The following ZNF569 variants were observed in gnomAD, a reference collection of about 807,000 sequenced individuals.
The protein encoded by ZNF569 is DNA-binding protein.
In ZNF569, 38 loss-of-function variants were observed where a neutral mutation model predicts 56.3. The observed-to-expected ratio is 0.68, with a 90% CI of 0.52 to 0.88. The LOEUF (loss-of-function observed/expected upper bound fraction) is 0.88. Ranked by LOEUF, ZNF569 falls within the 40% of genes least tolerant of loss-of-function variation. The probability of loss-of-function intolerance (pLI) is 0.00; values close to 1 mark genes in which losing one functional copy is unlikely to be tolerated. For missense variants in ZNF569, 666 were observed against 809.2 expected, an observed-to-expected ratio of 0.82 and a Z score of 2.15; for synonymous variants, 241 against 262.9, an observed-to-expected ratio of 0.92 and a Z score of 0.81.
intron 5 of ZNF569, among the ~76,000 whole-genome samples, chr19:37,419,459 C>T (rs1027013750): frequency 3.3e-5 from 5 of 152,082 alleles, no homozygotes; most frequent in African/African-American, 4.8e-5. Flanking sequence ...CGGTGGCTCA[C>T]GACTGTAATC....
intron 1 of ZNF569, among the ~76,000 whole-genome samples, chr19:37,466,289 A>T (rs1196243479): frequency 1.3e-5 from 2 of 152,262 alleles, no homozygotes; most frequent in East Asian, 1.9e-4. Context: ...AATAAAATTA[A>T]AAATAAATAA....
At chr19:37,437,959 A>G (rs1473580840) in intron 3 of ZNF569, among the ~76,000 whole-genome samples, 1 of 152,226 alleles carries the variant, frequency 6.6e-6, no homozygotes, top group East Asian at 1.9e-4. Flanking sequence ...CTTCACAGAA[A>G]TAGGAAAAAA....
At chr19:37,460,407 T>C (rs971823982) in intron 2 of ZNF569, among the ~76,000 whole-genome samples, 1 of 152,130 alleles carries the variant, frequency 6.6e-6, no homozygotes, top group African/African-American at 2.4e-5. Context: ...CCTCCCAAAG[T>C]GCTGGGATTA....
At chr19:37,468,951 C>G, upstream of ZNF569, 1 of 719,886 alleles carries the variant, frequency 1.4e-6, no homozygotes. Flanking sequence ...TTTGAGTAGA[C>G]GCGCCACTAG....
intron 5 of ZNF569, among the ~76,000 whole-genome samples, chr19:37,416,575 G>A (rs2040937180): frequency 6.6e-6 from 1 of 151,910 alleles, no homozygotes; most frequent in Non-Finnish European, 1.5e-5. Context: ...ATAATCTCCA[G>A]ATTACTTATA....
intron 5 of ZNF569, chr19:37,425,654 G>T: frequency 2.7e-6 from 1 of 376,248 alleles, no homozygotes; most frequent in Non-Finnish European, 4.9e-6. Context: ...TTTAAGAGAT[G>T]AGGTCTCACT....
chr19:37,464,490 T>C (rs935524262), intron 2 of ZNF569, among the ~76,000 whole-genome samples: 4 of 152,208 alleles, frequency 2.6e-5, no homozygotes, highest in African/African-American at 9.7e-5. Context: ...TTTTTAATCT[T>C]TATATACTGC....
In ZNF569 at chr19:37,413,243, C is replaced by T. The variant is rs201750077; in HGVS notation, c.1415G>A (p.Gly472Glu). Residue 472 changes from glycine (G) to glutamate (E), a missense_variant, in exon 6 of 6, where the codon GGG (glycine) becomes GAG (glutamate). Coordinates refer to ENST00000316950, the MANE Select transcript of ZNF569 (RefSeq NM_152484.3). ...ATTTGATTTCTGGCTAAAGGCTTTCCCACATTCCTTACATATATAGGGTTT... is the reference window on the plus strand; with the variant it reads ...ATTTGATTTCTGGCTAAAGGCTTTCTCACATTCCTTACATATATAGGGTTT... ...GEKPYICKEC[G>E]KAFSQKSNLI... 2 of 1,611,298 alleles carry T rather than the reference C, an allele frequency of 1.2e-6. No individual in the cohort carries two copies. The highest frequency in any genetic ancestry group is 2.7e-5 in the African/African-American group (2 of 74,756).
In ZNF569 at chr19:37,432,245, G is replaced by A. The variant is rs191650336; in HGVS notation, c.16-5867C>T. Reference sequence around the variant, plus strand: ...TGAGACTCAGTGCTGTGCTGGCTTCGTCTGACCCAGCGCAGTCCCAGTGGT... The same window carrying A: ...TGAGACTCAGTGCTGTGCTGGCTTCATCTGACCCAGCGCAGTCCCAGTGGT... On this transcript the variant is annotated intron_variant, in intron 3 of 5. Transcript: ENST00000316950. 2.7e-3 allele frequency among the ~76,000 whole-genome samples: 415 copies of A among 152,248 alleles called. 1 individual carries two copies. Among genetic ancestry groups the A allele is most frequent in the Admixed American group, 7.7e-3 (118 of 15,288 alleles).
chr19:37,462,000 T>TA (rs891470448), intron 2 of ZNF569, among the ~76,000 whole-genome samples: 13 of 152,166 alleles, frequency 8.5e-5, no homozygotes, highest in Non-Finnish European at 1.3e-4. Flanking sequence ...CTGAAAATCA[T>TA]AATTTCTCTA....
rs1159770133 is a variant in ZNF569 at position 37,412,820 on chromosome 19, T to C, written c.1838A>G (p.Lys613Arg). 2 of 1,614,042 alleles carry C rather than the reference T, an allele frequency of 1.2e-6. No homozygotes were observed. Among genetic ancestry groups the C allele is most frequent in the Non-Finnish European group, 1.7e-6 (2 of 1,179,966 alleles). ...EKPYECNKCGKAFSQSSSLTI... is the reference protein window; with the variant it reads ...EKPYECNKCGRAFSQSSSLTI... ...AAGGGATGAGCTTTGGGAGAAGGCT[T>C]TTCCACATTTATTACATTCATAGGG... Residue 613 changes from lysine (K) to arginine (R), a missense_variant, in exon 6 of 6, where the codon AAA becomes AGA. Coordinates refer to ENST00000316950, the MANE Select transcript of ZNF569 (RefSeq NM_152484.3).
intron 5 of ZNF569, among the ~76,000 whole-genome samples, chr19:37,424,980 T>TGTG (rs2041101473): frequency 6.7e-6 from 1 of 150,200 alleles, no homozygotes. Context: ...ATTAGCAGGG[T>TGTG]GTGGTGGCAC....
intron 5 of ZNF569, among the ~76,000 whole-genome samples, chr19:37,423,966 C>T (rs891655003): frequency 1.1e-4 from 16 of 151,680 alleles, no homozygotes; most frequent in East Asian, 1.9e-4. Context: ...ATTCAAAATA[C>T]GTGTATATGG....
chr19:37,442,531 A>G (rs1215458287), intron 3 of ZNF569, among the ~76,000 whole-genome samples: 1 of 152,196 alleles, frequency 6.6e-6, no homozygotes. Context: ...AAGACACTAG[A>G]TGGTATTAAG....
rs994787766 is a variant in ZNF569, at chr19:37,411,881, T to C, written c.*716A>G. The C allele has an allele frequency of 2.0e-5, 3 of 152,200 alleles. No individual in the cohort carries two copies. The highest frequency in any genetic ancestry group is 2.1e-4 in the South Asian group (1 of 4,834). The allele number at this position is 152,200 out of a possible 1,614,324, so 9.4% of individuals were successfully genotyped here. A position where few individuals can be genotyped will look rare whatever the true frequency, so the allele number is the denominator to read the frequency against. ...CTTGATTTATTCACTTGGTAATACA[T>C]TGTTTAAATGACAGCAGCTTTAAAT... On this transcript the variant is annotated 3_prime_UTR_variant, in exon 6 of 6. Transcript: ENST00000316950.
chr19:37,449,646 TC>T (rs2041559868), intron 2 of ZNF569, among the ~76,000 whole-genome samples: 1 of 150,552 alleles, frequency 6.6e-6, no homozygotes, highest in Non-Finnish European at 1.5e-5. Context: ...AGTTGCTTCC[TC>T]TTTTTTTTTT....
chr19:37,462,255 C>T (rs908665379), intron 2 of ZNF569, among the ~76,000 whole-genome samples: 4 of 152,120 alleles, frequency 2.6e-5, no homozygotes, highest in Non-Finnish European at 5.9e-5. Context: ...CCAAACTCTG[C>T]CACTAGATCT....
chr19:37,461,119 A>T (rs2041750426), intron 2 of ZNF569, among the ~76,000 whole-genome samples: 1 of 152,152 alleles, frequency 6.6e-6, no homozygotes, highest in Non-Finnish European at 1.5e-5. Context: ...AGGGTGAACA[A>T]AGAGTTGACG....
intron 2 of ZNF569, among the ~76,000 whole-genome samples, chr19:37,447,819 T>A (rs2041523809): frequency 6.6e-6 from 1 of 152,222 alleles, no homozygotes; most frequent in South Asian, 2.1e-4. Context: ...TTAACATGAA[T>A]GAATGTTTGT....
Sources: allele counts gnomAD v4.1 joint callset (sites outside exome capture counted in the v4.1 genomes callset), GRCh38; gene constraint gnomAD v4.1.1; transcripts MANE v1.5; gene names NCBI Gene and HGNC (gene_info 2026-07-23, HGNC 2026-07-21).